MMP26: variants seen among roughly 807,000 people sequenced by gnomAD.
MMP26 encodes the protein matrix metalloproteinase-26.
In MMP26, 33 loss-of-function variants were observed where a neutral mutation model predicts 31.0. The ratio of observed to expected loss-of-function variants is 1.06; its 90% confidence interval spans 0.81 to 1.42. MMP26 has a LOEUF of 1.42. Ranked by LOEUF, MMP26 falls within the 40% of genes most tolerant of loss-of-function variation. The probability of loss-of-function intolerance (pLI) is 0.00; values close to 1 mark genes in which losing one functional copy is unlikely to be tolerated. For missense variants in MMP26, 347 were observed against 316.1 expected (o/e 1.10, Z -0.74); for synonymous variants, 122 against 114.9 (o/e 1.06, Z -0.40).
chr11:4,716,187 C>T (rs374416796), intron 1 of MMP26, among the ~76,000 whole-genome samples: 2 of 152,158 alleles, frequency 1.3e-5, no homozygotes, highest in African/African-American at 4.8e-5. Context: ...CCAATTGTTC[C>T]TCTCCAATTA....
At chr11:4,773,595 GTTTTTTT>G (rs3065888) in intron 2 of MMP26, among the ~76,000 whole-genome samples, 1 of 108,388 alleles carries the variant, frequency 9.2e-6, no homozygotes. Flanking sequence ...TGTTTGTGGG[GTTTTTTT>G]TTTTTTTTTT....
chr11:4,709,771 T>C (rs1454581561), intron 1 of MMP26: 1 of 459,182 alleles, frequency 2.2e-6, no homozygotes, highest in Non-Finnish European at 4.4e-6. Flanking sequence ...CTCTCCATGC[T>C]ATCCTTCATG....
chr11:4,963,649 C>A (rs762517633), intron 2 of MMP26, among the ~76,000 whole-genome samples: 16 of 152,122 alleles, frequency 1.1e-4, no homozygotes, highest in Non-Finnish European at 2.4e-4. Context: ...TCAATAAGAA[C>A]CTGACTTCTT....
intron 1 of MMP26, among the ~76,000 whole-genome samples, chr11:4,716,804 C>A (rs959046156): frequency 1.3e-5 from 2 of 151,592 alleles, no homozygotes. Context: ...TGGGATTACA[C>A]GTGTGTGCCA....
intron 2 of MMP26, among the ~76,000 whole-genome samples, chr11:4,861,491 GTA>G (rs1012630922): frequency 6.6e-6 from 1 of 150,984 alleles, no homozygotes. Context: ...ATGTATATAT[GTA>G]TATATATATA....
chr11:4,831,562 A>G (rs1182604253), intron 2 of MMP26, among the ~76,000 whole-genome samples: 1 of 152,176 alleles, frequency 6.6e-6, no homozygotes, highest in African/African-American at 2.4e-5. Flanking sequence ...AAAACCCCAC[A>G]TGTTGTACAA....
At chr11:4,938,739 C>A (rs139273812) in intron 2 of MMP26, among the ~76,000 whole-genome samples, 1 of 152,176 alleles carries the variant, frequency 6.6e-6, no homozygotes, top group Non-Finnish European at 1.5e-5. Flanking sequence ...GAGGGAAATT[C>A]ATGAATTATC....
chr11:4,714,779 C>T lies in MMP26; in HGVS notation c.-217+9734C>T, dbSNP rs71480713. On this transcript the variant is annotated intron_variant, in intron 1 of 7. Transcript: ENST00000380390. ...GGAAATAACTTGAAACACATTCTTA[C>T]AATGGGCCTGGAGTGTTATCTTGGT... 3.6e-3 allele frequency among the ~76,000 whole-genome samples: 548 copies of T among 152,230 alleles called. 3 individuals are homozygous for T. The highest frequency in any genetic ancestry group is 5.6e-3 in the Non-Finnish European group (379 of 68,014).
At chr11:4,786,604 G>T (rs1006223129) in intron 2 of MMP26, 1 of 148,786 alleles carries the variant, frequency 6.7e-6, no homozygotes, top group African/African-American at 2.5e-5. Context: ...GATCAATGAG[G>T]GCTATTGTAT....
At chr11:4,918,126 C>A (rs1353766424) in intron 2 of MMP26, among the ~76,000 whole-genome samples, 3 of 151,910 alleles carry the variant, frequency 2.0e-5, no homozygotes, top group Non-Finnish European at 4.4e-5. Flanking sequence ...TCTCAATTTG[C>A]AAATGAGGAA....
At chr11:4,945,220 T>C (rs1209280730) in intron 2 of MMP26, 3 of 152,032 alleles carry the variant, frequency 2.0e-5, no homozygotes, top group Admixed American at 6.6e-5. Context: ...AGGTAATCTA[T>C]GAGGAAATTA....
rs987552064 is a variant in MMP26 at position 4,783,631 on chromosome 11, G to C, written c.-145+16290G>C. ...GAAGTGAGATTTAGGAGGGGCCAGG[G>C]GTGGAATGATGTGGTTTGGCTCTGT... On this transcript the variant is annotated intron_variant, in intron 2 of 7. Coordinates refer to ENST00000380390, the MANE Select transcript of MMP26 (RefSeq NM_021801.5). Among the ~76,000 whole-genome samples, 2 of 152,100 alleles carry C rather than the reference G, an allele frequency of 1.3e-5. 1 individual carries two copies. Among genetic ancestry groups the C allele is most frequent in the South Asian group, 4.1e-4 (2 of 4,820 alleles).
At chr11:4,946,154 G>A (rs370883858) in intron 2 of MMP26, 2 of 1,611,568 alleles carry the variant, frequency 1.2e-6, no homozygotes, top group Non-Finnish European at 8.5e-7. Context: ...TGTCACATAT[G>A]ACTGTTAAAT....
chr11:4,916,298 A>G (rs931757092), intron 2 of MMP26, among the ~76,000 whole-genome samples: 4 of 151,902 alleles, frequency 2.6e-5, no homozygotes, highest in African/African-American at 9.7e-5. Context: ...CTTGTGTTGT[A>G]GTCCTTGCTC....
chr11:4,886,308 T>A (rs12276692), intron 2 of MMP26, among the ~76,000 whole-genome samples: 5 of 151,988 alleles, frequency 3.3e-5, no homozygotes, highest in Admixed American at 2.6e-4. Context: ...AGATTTAAGC[T>A]CCTAACACTT....
chr11:4,936,798 A>G (rs1419106162), intron 2 of MMP26, among the ~76,000 whole-genome samples: 3 of 152,198 alleles, frequency 2.0e-5, no homozygotes, highest in Admixed American at 2.0e-4. Context: ...CTTTAAAAAT[A>G]TACCCTTTGT....
At position 4,970,819 on chromosome 11, in the gene MMP26, T is replaced by C. The variant is rs183536684; in HGVS notation, c.-144-17249T>C. On this transcript the variant is annotated intron_variant, in intron 2 of 7. Coordinates refer to ENST00000380390, the MANE Select transcript of MMP26 (RefSeq NM_021801.5). ...AGGCATTGTGCACCGGTGCCAGTGG[T>C]GGTGATATCAGCAAAGGCCCTAGAT... Among the ~76,000 whole-genome samples, 466 of 152,196 alleles carry C rather than the reference T, an allele frequency of 3.1e-3. 1 individual carries two copies. The highest frequency in any genetic ancestry group is 0.011 in the African/African-American group (455 of 41,514).
chr11:4,833,689 G>A (rs1441584624), intron 2 of MMP26, among the ~76,000 whole-genome samples: 1 of 152,136 alleles, frequency 6.6e-6, no homozygotes, highest in East Asian at 1.9e-4. Context: ...GTAGGTTAGT[G>A]TTTAAGGAAC....
At chr11:4,888,737 C>A (rs894588787) in intron 2 of MMP26, among the ~76,000 whole-genome samples, 1 of 152,112 alleles carries the variant, frequency 6.6e-6, no homozygotes, top group African/African-American at 2.4e-5. Flanking sequence ...ATTCCTGGTT[C>A]TACTTATTTC....
Sources: gnomAD v4.1 joint callset for allele counts (sites outside exome capture counted in the v4.1 genomes callset) on GRCh38, gnomAD v4.1.1 for gene constraint, MANE v1.5 for transcripts, NCBI Gene and HGNC (gene_info 2026-07-23, HGNC 2026-07-21) for gene names.